The following NUDT4 variants were observed in gnomAD, a reference collection of about 807,000 sequenced individuals.
NUDT4 encodes nudix hydrolase 4.
A neutral mutation model predicts 23.1 loss-of-function variants in NUDT4; 5 were observed. The ratio of observed to expected loss-of-function variants is 0.22; its 90% CI spans 0.11 to 0.46. The LOEUF (loss-of-function observed/expected upper bound fraction) is 0.46. Ranked by LOEUF, NUDT4 falls within the 20% of genes least tolerant of loss-of-function variation. The pLI is 0.99. For synonymous variants in NUDT4, 50 were observed against 79.0 expected (o/e 0.63, Z 1.95); for missense variants, 96 against 211.6 (o/e 0.45, Z 3.39).
rs1877779214 is a variant in NUDT4 at position 93,405,818 on chromosome 12, TAAATG to T, written c.*6444_*6448del. 2 of 152,202 alleles carry T rather than the reference TAAATG, an allele frequency of 1.3e-5. No homozygotes were observed. Among genetic ancestry groups the T allele is most frequent in the Admixed American group, 1.3e-4 (2 of 15,284 alleles). 9.4% of individuals were successfully genotyped at this position (152,202 alleles called of 1,614,324 possible). The stretch of plus-strand genomic sequence containing the variant: ...TAAGATGGGTGGCATGCCAAGTAGC[TAAATG>T]AAATATCATCCCAGCCCAAAAGTAC... On this transcript the variant is annotated 3_prime_UTR_variant, in exon 5 of 5. Transcript: ENST00000415493.
intron 1 of NUDT4, among the ~76,000 whole-genome samples, chr12:93,380,210 G>A: frequency 6.6e-6 from 1 of 152,162 alleles, no homozygotes; most frequent in East Asian, 1.9e-4. Flanking sequence ...TGACTGAAGT[G>A]TTGCCATAAT....
intron 1 of NUDT4, among the ~76,000 whole-genome samples, chr12:93,381,898 T>C (rs1875686149): frequency 6.6e-6 from 1 of 152,224 alleles, no homozygotes; most frequent in Admixed American, 6.5e-5. Flanking sequence ...AGAAGTAGAA[T>C]GACTTGATCC....
Position 93,377,946 on chromosome 12 carries a change from C to A in NUDT4, c.-377C>A, listed in dbSNP as rs575880723. The A allele has an allele frequency of 6.7e-6, 2 of 297,518 alleles. No homozygotes were observed. The highest frequency in any genetic ancestry group is 8.7e-5 in the Admixed American group (2 of 23,084). 18.4% of individuals were successfully genotyped at this position (297,518 alleles called of 1,614,324 possible). On this transcript the variant is annotated 5_prime_UTR_variant, in exon 1 of 5. Transcript: ENST00000415493. ...GCGCGGTCGCCGCGGTGCTGCTGCTCAGTGGGAGCGGGTCTTCGCAACTGT... is the reference window on the plus strand; with the variant it reads ...GCGCGGTCGCCGCGGTGCTGCTGCTAAGTGGGAGCGGGTCTTCGCAACTGT...
chr12:93,392,731 G>T (rs112854993), intron 1 of NUDT4, among the ~76,000 whole-genome samples: 11 of 110,128 alleles, frequency 1.0e-4, no homozygotes, highest in Non-Finnish European at 1.9e-4. Context: ...GAGTGCAGTG[G>T]TGCAATCTCT....
In NUDT4 at chr12:93,399,288, A is replaced by G. The variant is rs141400760; in HGVS notation, c.452A>G (p.Asn151Ser). The G allele has an allele frequency of 7.3e-5, 85 of 1,164,976 alleles. No homozygotes were observed. The highest frequency in any genetic ancestry group is 7.0e-5 in the East Asian group (3 of 42,560). 72.2% of individuals were successfully genotyped at this position (1,164,976 alleles called of 1,614,324 possible). The change falls in exon 5 of 5, where the codon AAT becomes AGT. Residue 151 changes from asparagine to serine, a missense_variant. By Grantham distance (46) the Asn-to-Ser change is conservative (BLOSUM62 1). Coordinates refer to ENST00000415493, the MANE Select transcript of NUDT4 (RefSeq NM_019094.6). ...CTAAAGCTGGGTTGTTCCCCAGCCA[A>G]TGGAAATTCTACAGTCCCTTCCCTT... ...EKLKLGCSPA[N>S]GNSTVPSLPD...
At chr12:93,393,451 A>C (rs1212418646) in intron 1 of NUDT4, among the ~76,000 whole-genome samples, 2 of 152,012 alleles carry the variant, frequency 1.3e-5, no homozygotes, top group African/African-American at 2.4e-5. Flanking sequence ...TAGACTTCCA[A>C]ATTAAGGGCC....
intron 1 of NUDT4, among the ~76,000 whole-genome samples, chr12:93,386,379 C>T (rs558832353): frequency 2.8e-4 from 43 of 152,126 alleles, no homozygotes; most frequent in African/African-American, 1.0e-3. Context: ...GAGTTCAAAA[C>T]CAGCCTGGCC....
Position 93,407,918 on chromosome 12 carries a change from G to C in NUDT4, c.*8539G>C, listed in dbSNP as rs532383319. 6.6e-6 allele frequency: 1 copy of C among 152,008 alleles called. No individual in the cohort carries two copies. Among genetic ancestry groups the C allele is most frequent in the Admixed American group, 6.5e-5 (1 of 15,286 alleles). The allele number at this position is 152,008 out of a possible 1,614,324, so 9.4% of individuals were successfully genotyped here. ...GGGGGAGTCTTACCAAAACTGCAAA[G>C]GAAAAAAATATGATACCATGAAATT... On this transcript the variant is annotated 3_prime_UTR_variant, in exon 5 of 5. Transcript: ENST00000415493.
intron 3 of NUDT4, 80 bp from the exon 4 acceptor site, chr12:93,398,691 G>T: frequency 1.1e-6 from 1 of 892,966 alleles, no homozygotes; most frequent in Non-Finnish European, 1.8e-6. Context: ...CAGTATGCCA[G>T]ACTAATTTTT....
At chr12:93,388,116 CCAGT>C (rs1876238906) in intron 1 of NUDT4, among the ~76,000 whole-genome samples, 1 of 152,130 alleles carries the variant, frequency 6.6e-6, no homozygotes, top group Non-Finnish European at 1.5e-5. Flanking sequence ...GTTTAGATGG[CCAGT>C]CATTTCTATA....
intron 1 of NUDT4, among the ~76,000 whole-genome samples, chr12:93,392,425 T>G (rs1385713040): frequency 6.6e-6 from 1 of 150,674 alleles, no homozygotes; most frequent in Non-Finnish European, 1.5e-5. Context: ...CCGGCTAATT[T>G]TTTGTATTTT....
At chr12:93,387,938 C>T (rs960080886) in intron 1 of NUDT4, among the ~76,000 whole-genome samples, 19 of 152,282 alleles carry the variant, frequency 1.2e-4, no homozygotes, top group African/African-American at 4.6e-4. Context: ...CTTGCTCACT[C>T]TTAGTCACTG....
At chr12:93,378,442 C>A in intron 1 of NUDT4, 21 bp downstream of exon 1, 2 of 1,532,726 alleles carry the variant, frequency 1.3e-6, no homozygotes, top group South Asian at 1.2e-5. Context: ...CGGCGCCGCA[C>A]GCTGCCCTCC....
Position 93,399,670 on chromosome 12 carries a change from GT to G in NUDT4, c.*297del, listed in dbSNP as rs1468792017. The G allele has an allele frequency of 6.5e-6, 1 of 152,940 alleles. No homozygotes were observed. The highest frequency in any genetic ancestry group is 1.4e-5 in the Non-Finnish European group (1 of 73,452). The allele number at this position is 152,940 out of a possible 1,614,324, so 9.5% of individuals were successfully genotyped here. A position where few individuals can be genotyped will look rare whatever the true frequency, so the allele number is the denominator to read the frequency against. ...GTCTATTTCTCACAGCATATTTTCA[GT>G]TTTTTGTCCATTTGACATCAGTCTG... is the stretch of plus-strand genomic sequence containing the variant. On this transcript the variant is annotated 3_prime_UTR_variant, in exon 5 of 5. Coordinates refer to ENST00000415493, the MANE Select transcript of NUDT4 (RefSeq NM_019094.6).
At chr12:93,392,243 T>TCC (rs377016882) in intron 1 of NUDT4, among the ~76,000 whole-genome samples, 6,992 of 118,122 alleles carry the variant, frequency 0.059, 382 homozygotes, top group East Asian at 0.17. Flanking sequence ...TTCCTTTGTT[T>TCC]CCCCCCCCCC....
rs1211035509 is a variant in NUDT4 at position 93,403,377 on chromosome 12, G to C, written c.*3998G>C. On this transcript the variant is annotated 3_prime_UTR_variant, in exon 5 of 5. Transcript: ENST00000415493. ...ACTGTCGCCCAGGCTGGAGTGCAGT[G>C]GTGCAATCTCAGCTTACTGTAACCT... 1 of 152,150 alleles carries C rather than the reference G, an allele frequency of 6.6e-6. No individual in the cohort carries two copies. The highest frequency in any genetic ancestry group is 2.4e-5 in the African/African-American group (1 of 41,396). 9.4% of individuals were successfully genotyped at this position (152,150 alleles called of 1,614,324 possible).
Position 93,404,362 on chromosome 12 carries a change from G to C in NUDT4, c.*4983G>C, listed in dbSNP as rs897689465. ...GTGTAATATTACAGTCATTAGAAAT[G>C]ACATTTGCGTAAGGATCTGAGTGGA... is the stretch of plus-strand genomic sequence containing the variant. On this transcript the variant is annotated 3_prime_UTR_variant, in exon 5 of 5. Transcript: ENST00000415493. The C allele has an allele frequency of 6.6e-6, 1 of 152,222 alleles. No individual in the cohort carries two copies. The highest frequency in any genetic ancestry group is 1.5e-5 in the Non-Finnish European group (1 of 68,048). 9.4% of individuals were successfully genotyped at this position (152,222 alleles called of 1,614,324 possible). A position where few individuals can be genotyped will look rare whatever the true frequency, so the allele number is the denominator to read the frequency against.
rs1182330925 is a variant in NUDT4 at position 93,406,934 on chromosome 12, C to T, written c.*7555C>T. ...TAACTAGAGCAGAAGCAAATCGCAG[C>T]GAAGTAGACTACAACAATCAAGTCA... is the stretch of plus-strand genomic sequence containing the variant. On this transcript the variant is annotated 3_prime_UTR_variant, in exon 5 of 5. Coordinates refer to ENST00000415493, the MANE Select transcript of NUDT4 (RefSeq NM_019094.6). 3 of 152,170 alleles carry T rather than the reference C, an allele frequency of 2.0e-5. No individual in the cohort carries two copies. Among genetic ancestry groups the T allele is most frequent in the African/African-American group, 7.2e-5 (3 of 41,416 alleles). The allele number at this position is 152,170 out of a possible 1,614,324, so 9.4% of individuals were successfully genotyped here.
chr12:93,378,945 C>T (rs1315707942), intron 1 of NUDT4, among the ~76,000 whole-genome samples: 1 of 152,148 alleles, frequency 6.6e-6, no homozygotes, highest in Non-Finnish European at 1.5e-5. Context: ...TCTTGTGGGT[C>T]CATGAACCCG....
Sources: allele counts gnomAD v4.1 joint callset (sites outside exome capture counted in the v4.1 genomes callset), GRCh38; gene constraint gnomAD v4.1.1; transcripts MANE v1.5; gene names NCBI Gene and HGNC (gene_info 2026-07-23, HGNC 2026-07-21).